The following PRRC2C variants were observed in gnomAD, a reference collection of about 807,000 sequenced individuals.
The protein encoded by PRRC2C is protein PRRC2C.
Under a neutral mutation model 317.2 loss-of-function variants are expected in PRRC2C, and 72 were observed. The ratio of observed to expected loss-of-function variants is 0.23; its 90% CI spans 0.19 to 0.28. The LOEUF is 0.28. PRRC2C is among the 10% of genes least tolerant of loss of function. PRRC2C has a pLI of 1.00. For missense variants in PRRC2C, 3,074 were observed against 3,459.7 expected (o/e 0.89, Z 2.80); for synonymous variants, 1,296 against 1,205.9 (o/e 1.07, Z -1.55).
chr1:171,589,336 T>A (rs1177741824), intron 33 of PRRC2C, 33 bp from the exon 34 acceptor site: 5 of 825,414 alleles, frequency 6.1e-6, no homozygotes, highest in Non-Finnish European at 8.7e-6. Context: ...TTTTTAACAG[T>A]TCAATGTTGT....
rs117721896 is a variant in PRRC2C at position 171,583,352 on chromosome 1, A to G, written c.7410-604A>G. Among the ~76,000 whole-genome samples, 27 of 87,218 alleles carry G rather than the reference A, an allele frequency of 3.1e-4. No individual in the cohort carries two copies. The East Asian group carries it at 7.6e-3, about 25-fold the overall frequency. The allele number at this position is 87,218 out of a possible 152,430, so 57.2% of individuals were successfully genotyped here. A position where few individuals can be genotyped will look rare whatever the true frequency, so the allele number is the denominator to read the frequency against. ...TTAAACTTTTTTGTTAAAAACTAAG[A>G]TGCAAACACACACATTAGGCTAGGC... is the stretch of plus-strand genomic sequence containing the variant. On this transcript the variant is annotated intron_variant, in intron 28 of 34. Coordinates refer to ENST00000647382, the MANE Select transcript of PRRC2C (RefSeq NM_001387844.1).
chr1:171,497,828 G>T (rs1325908870), intron 1 of PRRC2C, among the ~76,000 whole-genome samples: 1 of 150,328 alleles, frequency 6.7e-6, no homozygotes, highest in Admixed American at 6.6e-5. Flanking sequence ...GTGGGGCAGT[G>T]GGGGGATACA....
intron 28 of PRRC2C, 96 bp downstream of exon 28, chr1:171,580,060 C>T: frequency 8.9e-7 from 1 of 1,128,954 alleles, no homozygotes; most frequent in Non-Finnish European, 1.2e-6. Flanking sequence ...CCCAAAAAAA[C>T]CTAGGATGAC....
intron 1 of PRRC2C, among the ~76,000 whole-genome samples, chr1:171,502,597 G>A (rs1360220357): frequency 1.3e-5 from 2 of 152,062 alleles, no homozygotes; most frequent in African/African-American, 4.8e-5. Context: ...GGCATCATCT[G>A]TATTTTCATA....
intron 9 of PRRC2C, 77 bp downstream of exon 9, chr1:171,523,599 G>A: frequency 8.5e-7 from 1 of 1,175,720 alleles, no homozygotes; most frequent in Non-Finnish European, 1.2e-6. Context: ...AAGAAGCTTT[G>A]TTAATAGACA....
intron 30 of PRRC2C, 38 bp downstream of exon 30, chr1:171,584,564 A>T: frequency 6.6e-7 from 1 of 1,508,592 alleles, no homozygotes; most frequent in Non-Finnish European, 8.8e-7. Flanking sequence ...AATTTTCTTT[A>T]TTATTATTTT....
intron 1 of PRRC2C, among the ~76,000 whole-genome samples, chr1:171,497,599 G>A (rs1668360209): frequency 6.6e-6 from 1 of 151,808 alleles, no homozygotes; most frequent in Non-Finnish European, 1.5e-5. Flanking sequence ...AGTCTCCTGA[G>A]CATCTGGGAG....
intron 12 of PRRC2C, among the ~76,000 whole-genome samples, chr1:171,533,164 A>G (rs1046468732): frequency 1.3e-5 from 2 of 152,210 alleles, no homozygotes; most frequent in East Asian, 3.8e-4. Context: ...TTTCTCAGTT[A>G]TTAGATGAGC....
chr1:171,565,688 C>A (rs943855794), intron 20 of PRRC2C, among the ~76,000 whole-genome samples: 1 of 152,150 alleles, frequency 6.6e-6, no homozygotes, highest in Non-Finnish European at 1.5e-5. Flanking sequence ...CCTCATCATC[C>A]GCCCACCTAG....
intron 1 of PRRC2C, among the ~76,000 whole-genome samples, chr1:171,505,334 C>T (rs1432566149): frequency 1.1e-4 from 16 of 152,154 alleles, no homozygotes; most frequent in Non-Finnish European, 4.4e-5. Context: ...GGCTGTATTT[C>T]ATTTTTTATT....
intron 1 of PRRC2C, among the ~76,000 whole-genome samples, chr1:171,504,839 T>C (rs1379844261): frequency 6.6e-6 from 1 of 152,170 alleles, no homozygotes; most frequent in East Asian, 1.9e-4. Flanking sequence ...TCTGAGGTTT[T>C]GTTGGGGATT....
intron 12 of PRRC2C, 26 bp from the exon 13 acceptor site, chr1:171,535,402 T>C (rs1571853886): frequency 2.5e-6 from 4 of 1,599,278 alleles, no homozygotes; most frequent in Non-Finnish European, 3.4e-6. Flanking sequence ...ATGAATACTA[T>C]TACCTTTCAC....
At chr1:171,559,284 T>C (rs1202243324) in intron 19 of PRRC2C, among the ~76,000 whole-genome samples, 1 of 152,172 alleles carries the variant, frequency 6.6e-6, no homozygotes, top group African/African-American at 2.4e-5. Context: ...TCTGGGCCTT[T>C]CATGGCTAGA....
intron 1 of PRRC2C, among the ~76,000 whole-genome samples, chr1:171,505,732 G>A (rs1670055493): frequency 6.6e-6 from 1 of 151,748 alleles, no homozygotes; most frequent in African/African-American, 2.4e-5. Context: ...TTTTTGTTTT[G>A]TTTCTGTTTT....
chr1:171,509,146 A>G (rs907381883), intron 1 of PRRC2C, among the ~76,000 whole-genome samples: 4 of 152,238 alleles, frequency 2.6e-5, no homozygotes, highest in East Asian at 3.9e-4. Context: ...CAGCCCCCCA[A>G]AGTGCTGGGA....
chr1:171,502,681 A>G (rs888950080), intron 1 of PRRC2C, among the ~76,000 whole-genome samples: 3 of 152,204 alleles, frequency 2.0e-5, no homozygotes, highest in South Asian at 2.1e-4. Context: ...TTGCTAAATT[A>G]TATTTTAGAG....
At chr1:171,556,655 A>G (rs1392592750) in intron 18 of PRRC2C, among the ~76,000 whole-genome samples, 2 of 152,198 alleles carry the variant, frequency 1.3e-5, no homozygotes, top group Non-Finnish European at 2.9e-5. Flanking sequence ...GTTGATTTTA[A>G]ATTATCTTGG....
intron 1 of PRRC2C, among the ~76,000 whole-genome samples, chr1:171,498,333 G>C (rs773458068): frequency 6.6e-6 from 1 of 152,026 alleles, no homozygotes; most frequent in Non-Finnish European, 1.5e-5. Flanking sequence ...TCAAGTTATC[G>C]ACAGGCAGGA....
At chr1:171,499,163 C>T (rs1224382142) in intron 1 of PRRC2C, among the ~76,000 whole-genome samples, 1 of 152,146 alleles carries the variant, frequency 6.6e-6, no homozygotes, top group Non-Finnish European at 1.5e-5. Context: ...TCACATTCTC[C>T]CATTTGCTTT....
Sources: allele counts gnomAD v4.1 joint callset (sites outside exome capture counted in the v4.1 genomes callset), GRCh38; gene constraint gnomAD v4.1.1; transcripts MANE v1.5; gene names NCBI Gene and HGNC (gene_info 2026-07-23, HGNC 2026-07-21).